The following LEMD1 variants were observed in gnomAD, a reference collection of about 807,000 sequenced individuals.
LEMD1 encodes LEM domain containing 1, also known as LEM domain-containing protein 1.
LEMD1 carries 18 observed loss-of-function variants against 17.4 expected under a neutral mutation model. The ratio of observed to expected loss-of-function variants is 1.04; its 90% confidence interval spans 0.72 to 1.54. The LOEUF (loss-of-function observed/expected upper bound fraction) is 1.54. LEMD1 is among the 40% of genes most tolerant of loss of function. LEMD1 has a pLI of 0.00. For missense variants in LEMD1, 195 were observed against 210.4 expected, an observed-to-expected ratio of 0.93 and a Z score of 0.45; for synonymous variants, 88 against 77.8, an observed-to-expected ratio of 1.13 and a Z score of -0.69.
Position 205,420,571 on chromosome 1 carries a change from A to T in LEMD1, c.-35T>A. 6.9e-7 allele frequency: 1 copy of T among 1,455,812 alleles called. No homozygotes were observed. Among genetic ancestry groups the T allele is most frequent in the Non-Finnish European group, 9.7e-7 (1 of 1,036,164 alleles). 90.2% of individuals were successfully genotyped at this position (1,455,812 alleles called of 1,614,324 possible). A position where few individuals can be genotyped will look rare whatever the true frequency, so the allele number is the denominator to read the frequency against. ...AGTTTGGCCTCTTTTCTGATGGTAG[A>T]ATCCTTGAAATAACAAAACATTAAA... On this transcript the variant is annotated 5_prime_UTR_variant, in exon 2 of 6. Coordinates refer to ENST00000367153, the MANE Select transcript of LEMD1 (RefSeq NM_001199050.2).
intron 1 of LEMD1, among the ~76,000 whole-genome samples, chr1:205,446,305 G>A (rs1666387346): frequency 3.3e-5 from 5 of 152,180 alleles, no homozygotes; most frequent in South Asian, 2.1e-4. Flanking sequence ...CCAGCAAAGC[G>A]AGGACTGTCT....
chr1:205,395,347 C>G (rs1186148577), intron 4 of LEMD1, among the ~76,000 whole-genome samples: 1 of 152,050 alleles, frequency 6.6e-6, no homozygotes, highest in African/African-American at 2.4e-5. Flanking sequence ...GTAATCCCAG[C>G]ACTTTGGGAG....
At chr1:205,392,321 A>G (rs1256717306) in intron 4 of LEMD1, among the ~76,000 whole-genome samples, 1 of 152,132 alleles carries the variant, frequency 6.6e-6, no homozygotes, top group Non-Finnish European at 1.5e-5. Context: ...AGAAGAACCA[A>G]GTGTAAATTT....
chr1:205,437,643 C>G (rs1248629284), intron 1 of LEMD1: 1 of 152,228 alleles, frequency 6.6e-6, no homozygotes, highest in South Asian at 2.1e-4. Flanking sequence ...CAGAGGAAAC[C>G]TGCGACCCTC....
chr1:205,428,657 C>G (rs1439167498), intron 1 of LEMD1, among the ~76,000 whole-genome samples: 1 of 152,010 alleles, frequency 6.6e-6, no homozygotes, highest in Non-Finnish European at 1.5e-5. Flanking sequence ...CAGGGAGGAC[C>G]ATGTGTGTGT....
intron 4 of LEMD1, among the ~76,000 whole-genome samples, chr1:205,414,679 C>A (rs2102423169): frequency 6.6e-6 from 1 of 152,228 alleles, no homozygotes; most frequent in South Asian, 2.1e-4. Flanking sequence ...CCACCTTGGC[C>A]TCCTAAAGTG....
intron 1 of LEMD1, chr1:205,436,712 G>T (rs112476983): frequency 0.01 from 1,584 of 152,294 alleles, 24 homozygotes; most frequent in African/African-American, 0.036. Context: ...CTGTCAGCTT[G>T]ATCACCTGCT....
chr1:205,425,904 A>T (rs941013624), upstream of LEMD1, among the ~76,000 whole-genome samples: 21 of 94,704 alleles, frequency 2.2e-4, no homozygotes, highest in Non-Finnish European at 4.5e-4. Flanking sequence ...ATGGAGTAAG[A>T]TGTGATTTTT....
rs1477446714 is a variant in LEMD1 at position 205,418,708 on chromosome 1, G to C, written c.205+522C>G. Among the ~76,000 whole-genome samples, 5 of 152,282 alleles carry C rather than the reference G, an allele frequency of 3.3e-5. No homozygotes were observed. In the South Asian group the frequency reaches 1.0e-3, roughly 32 times the overall value. On this transcript the variant is annotated intron_variant, in intron 3 of 5. Transcript: ENST00000367153. The stretch of plus-strand genomic sequence containing the variant: ...TTTTTGTATTTTTAGTAGAGACGAG[G>C]TTTCACCATGTTGGCCAGGCTGGTC...
intron 1 of LEMD1, among the ~76,000 whole-genome samples, chr1:205,431,564 A>G (rs1023661861): frequency 6.6e-6 from 1 of 152,178 alleles, no homozygotes; most frequent in Non-Finnish European, 1.5e-5. Context: ...TTCCCTCCAT[A>G]GCCAATTGAG....
chr1:205,442,824 C>T (rs1369805652), intron 1 of LEMD1, among the ~76,000 whole-genome samples: 1 of 152,186 alleles, frequency 6.6e-6, no homozygotes, highest in South Asian at 2.1e-4. Flanking sequence ...ATCTCTGGAT[C>T]CCTCCTGTGA....
chr1:205,443,189 A>G (rs1666324841), intron 1 of LEMD1, among the ~76,000 whole-genome samples: 1 of 152,182 alleles, frequency 6.6e-6, no homozygotes, highest in Non-Finnish European at 1.5e-5. Flanking sequence ...GACAGGCACA[A>G]CAAGGCTAAT....
chr1:205,428,556 G>A (rs1290198539), intron 1 of LEMD1, among the ~76,000 whole-genome samples: 2 of 152,162 alleles, frequency 1.3e-5, no homozygotes, highest in African/African-American at 4.8e-5. Context: ...CAAATGGAGT[G>A]AACGAGAACC....
chr1:205,435,127 T>A (rs1449614977), intron 1 of LEMD1: 2 of 152,228 alleles, frequency 1.3e-5, no homozygotes, highest in African/African-American at 2.4e-5. Flanking sequence ...TGATATAGAT[T>A]GCTACTTTAC....
chr1:205,381,481 TAGGC>T lies in LEMD1; in HGVS notation c.*173_*176del, dbSNP rs944040999. The stretch of plus-strand genomic sequence containing the variant: ...CATGCTCTTAACACAGGTGCCTGGT[TAGGC>T]AGGTTCCTTCCACCTGGCTGAGCCC... On this transcript the variant is annotated 3_prime_UTR_variant, in exon 6 of 6. Transcript: ENST00000367153. The T allele has an allele frequency of 7.9e-6, 5 of 634,886 alleles. No homozygotes were observed. The highest frequency in any genetic ancestry group is 5.6e-5 in the Admixed American group (2 of 35,842). 39.3% of individuals were successfully genotyped at this position (634,886 alleles called of 1,614,324 possible).
upstream of LEMD1, among the ~76,000 whole-genome samples, chr1:205,426,747 T>G (rs1384650429): frequency 6.6e-6 from 1 of 152,140 alleles, no homozygotes; most frequent in Non-Finnish European, 1.5e-5. Context: ...GGCCCCCAGG[T>G]CCCTTCAGGT....
intron 4 of LEMD1, among the ~76,000 whole-genome samples, chr1:205,396,033 G>A (rs1664576712): frequency 6.6e-6 from 1 of 151,868 alleles, no homozygotes; most frequent in African/African-American, 2.4e-5. Context: ...TTTAAGACAG[G>A]ATCTTGCTCT....
At chr1:205,389,153 A>T (rs1003621728) in intron 4 of LEMD1, among the ~76,000 whole-genome samples, 1 of 145,720 alleles carries the variant, frequency 6.9e-6, no homozygotes, top group African/African-American at 2.5e-5. Flanking sequence ...GGTTCAAGCA[A>T]TTCTCCTGCC....
intron 1 of LEMD1, among the ~76,000 whole-genome samples, chr1:205,427,340 TGAG>T (rs777286658): frequency 6.6e-6 from 1 of 151,958 alleles, no homozygotes; most frequent in Non-Finnish European, 1.5e-5. Context: ...TTCTTGCTGA[TGAG>T]GGGACATCAC....
Sources: gnomAD v4.1 joint callset for allele counts (sites outside exome capture counted in the v4.1 genomes callset) on GRCh38, gnomAD v4.1.1 for gene constraint, MANE v1.5 for transcripts, NCBI Gene and HGNC (gene_info 2026-07-23, HGNC 2026-07-21) for gene names.